Variants in SLC1A2 observed in about 807,000 individuals in gnomAD.
The protein encoded by SLC1A2 is excitatory amino acid transporter 2.
A neutral mutation model predicts 48.8 loss-of-function variants in SLC1A2; 15 were observed. The ratio of observed to expected loss-of-function variants is 0.31; its 90% CI spans 0.21 to 0.47. SLC1A2 has a LOEUF of 0.47. Ranked by LOEUF, SLC1A2 falls within the 20% of genes least tolerant of loss-of-function variation. The probability of loss-of-function intolerance (pLI) is 0.99; values close to 1 mark genes in which losing one functional copy is unlikely to be tolerated. For synonymous variants in SLC1A2, 279 were observed against 272.6 expected (o/e 1.02, Z -0.23); for missense variants, 502 against 730.5 (o/e 0.69, Z 3.61).
At chr11:35,398,384 A>G (rs949478067) in intron 1 of SLC1A2, among the ~76,000 whole-genome samples, 8 of 152,246 alleles carry the variant, frequency 5.3e-5, no homozygotes, top group African/African-American at 1.9e-4. Flanking sequence ...TCTGGAGGCC[A>G]TTATCCTAAG....
intron 1 of SLC1A2, among the ~76,000 whole-genome samples, chr11:35,393,245 T>C (rs1185470950): frequency 6.6e-6 from 1 of 152,212 alleles, no homozygotes; most frequent in East Asian, 1.9e-4. Context: ...AGCTGCCAGA[T>C]GTGGCTGTAT....
chr11:35,366,076 T>A (rs1853838920), intron 1 of SLC1A2, among the ~76,000 whole-genome samples: 1 of 152,222 alleles, frequency 6.6e-6, no homozygotes. Context: ...GGATGGTAGC[T>A]CTCAGTTAAC....
Position 35,292,382 on chromosome 11 carries a change from G to A in SLC1A2, c.996C>T (p.Leu332=). 6.2e-7 allele frequency: 1 copy of A among 1,614,012 alleles called. No individual in the cohort carries two copies. The highest frequency in any genetic ancestry group is 8.5e-7 in the Non-Finnish European group (1 of 1,179,924). Reference sequence around the variant, plus strand: ...TGGTCACTACAAAGTAAATCAAGGGGAGAAAGATGCCCCCGTGGATGATGA... The same window carrying A: ...TGGTCACTACAAAGTAAATCAAGGGAAGAAAGATGCCCCCGTGGATGATGA... ...IGLIIHGGIF[L]PLIYFVVTRK... is the part of the protein sequence containing the mutation. Residue 332 remains leucine (L), a synonymous_variant, in exon 7 of 11, where the codon CTC becomes CTT. Coordinates refer to ENST00000278379, the MANE Select transcript of SLC1A2 (RefSeq NM_004171.4).
At chr11:35,348,892 C>CAAAAAA (rs397752034) in intron 1 of SLC1A2, among the ~76,000 whole-genome samples, 1 of 78,454 alleles carries the variant, frequency 1.3e-5, no homozygotes, top group African/African-American at 4.8e-5. Context: ...GACCTGGTCT[C>CAAAAAA]AAAAAAAAAA....
chr11:35,365,295 A>G (rs114814970), intron 1 of SLC1A2, among the ~76,000 whole-genome samples: 1,714 of 152,286 alleles, frequency 0.011, 33 homozygotes, highest in African/African-American at 0.04. Context: ...AAAGCCCTTG[A>G]CATTGCTCCT....
chr11:35,285,575 G>C (rs1387716434), intron 8 of SLC1A2: 1 of 152,156 alleles, frequency 6.6e-6, no homozygotes, highest in Non-Finnish European at 1.5e-5. Flanking sequence ...TGATCACATA[G>C]AATCTGAGAG....
chr11:35,300,658 G>C (rs1000982662), intron 6 of SLC1A2, among the ~76,000 whole-genome samples: 1 of 152,148 alleles, frequency 6.6e-6, no homozygotes. Flanking sequence ...CCCAGTCTAA[G>C]GTATTTTGTT....
chr11:35,364,846 G>C (rs552687210), intron 1 of SLC1A2, among the ~76,000 whole-genome samples: 2 of 152,322 alleles, frequency 1.3e-5, no homozygotes, highest in East Asian at 3.9e-4. Flanking sequence ...GTGCAGGGCT[G>C]AGGGCTTATA....
chr11:35,267,268 C>T (rs1850121359), intron 9 of SLC1A2, among the ~76,000 whole-genome samples: 1 of 152,146 alleles, frequency 6.6e-6, no homozygotes, highest in African/African-American at 2.4e-5. Flanking sequence ...ATTCAAATGC[C>T]AATTTGTCCC....
chr11:35,418,797 C>T (rs1010091360), intron 1 of SLC1A2, among the ~76,000 whole-genome samples, 153 bp downstream of exon 1: 1 of 152,178 alleles, frequency 6.6e-6, no homozygotes, highest in African/African-American at 2.4e-5. Flanking sequence ...AAAATCAATC[C>T]CCTCCCCACC....
intron 1 of SLC1A2, among the ~76,000 whole-genome samples, chr11:35,379,203 T>C (rs1378284515): frequency 1.3e-5 from 2 of 152,064 alleles, no homozygotes; most frequent in Non-Finnish European, 2.9e-5. Context: ...CACTCTAGCC[T>C]GGGCAACAAG....
intron 1 of SLC1A2, among the ~76,000 whole-genome samples, chr11:35,370,257 T>A (rs981331327): frequency 6.6e-6 from 1 of 152,178 alleles, no homozygotes. Flanking sequence ...GTCAAGCATG[T>A]GATCCTCTAA....
intron 1 of SLC1A2, among the ~76,000 whole-genome samples, chr11:35,336,755 C>T (rs1286337382): frequency 6.6e-6 from 1 of 152,188 alleles, no homozygotes; most frequent in Non-Finnish European, 1.5e-5. Flanking sequence ...AATACTCCAT[C>T]CTCCAATTTT....
intron 1 of SLC1A2, among the ~76,000 whole-genome samples, chr11:35,354,721 C>T (rs1853393382): frequency 6.6e-6 from 1 of 152,128 alleles, no homozygotes; most frequent in Non-Finnish European, 1.5e-5. Context: ...AAGGAGCCAG[C>T]CATGGGCAAT....
At chr11:35,385,017 G>A (rs1854543061) in intron 1 of SLC1A2, among the ~76,000 whole-genome samples, 1 of 152,116 alleles carries the variant, frequency 6.6e-6, no homozygotes, top group Non-Finnish European at 1.5e-5. Context: ...TTTATACAAA[G>A]ATAAACTAAA....
intron 1 of SLC1A2, among the ~76,000 whole-genome samples, chr11:35,400,783 T>C: frequency 6.6e-6 from 1 of 152,216 alleles, no homozygotes; most frequent in African/African-American, 2.4e-5. Flanking sequence ...TCAAACTCTG[T>C]AAAATATTTG....
chr11:35,408,668 G>A (rs906448107), intron 1 of SLC1A2, among the ~76,000 whole-genome samples: 3 of 152,218 alleles, frequency 2.0e-5, no homozygotes, highest in African/African-American at 4.8e-5. Flanking sequence ...ATGTTTTTGT[G>A]TGATGGGGAA....
chr11:35,270,019 A>G (rs180898848), intron 9 of SLC1A2, among the ~76,000 whole-genome samples: 56 of 152,284 alleles, frequency 3.7e-4, no homozygotes, highest in African/African-American at 1.3e-3. Flanking sequence ...AGATAGGAGA[A>G]TCGTTTGAGC....
Position 35,419,050 on chromosome 11 carries a change from T to A in SLC1A2, c.-84A>T, listed in dbSNP as rs375697101. On this transcript the variant is annotated 5_prime_UTR_variant, in exon 1 of 11. Coordinates refer to ENST00000278379, the MANE Select transcript of SLC1A2 (RefSeq NM_004171.4). The surrounding 1 kb of genome is among the most constrained non-coding windows in gnomAD (Gnocchi z 5.4). ...AGCGGACGCCGGGGTGAGCGCGAAGTGCGGCCGGGAGCGGTATTTAAGAGG... is the reference window on the plus strand; with the variant it reads ...AGCGGACGCCGGGGTGAGCGCGAAGAGCGGCCGGGAGCGGTATTTAAGAGG... 4.7e-5 allele frequency: 62 copies of A among 1,308,684 alleles called. No individual in the cohort carries two copies. Among genetic ancestry groups the A allele is most frequent in the Non-Finnish European group, 5.9e-5 (55 of 935,456 alleles). 81.1% of individuals were successfully genotyped at this position (1,308,684 alleles called of 1,614,324 possible).
Sources: allele counts gnomAD v4.1 joint callset (sites outside exome capture counted in the v4.1 genomes callset), GRCh38; gene constraint gnomAD v4.1.1; non-coding constraint Gnocchi (gnomAD v3.1); transcripts MANE v1.5; gene names NCBI Gene and HGNC (gene_info 2026-07-23, HGNC 2026-07-21).